The following KIF1A variants were observed in gnomAD, a reference collection of about 807,000 sequenced individuals.
KIF1A encodes kinesin family member 1A.
Under a neutral mutation model 227.3 loss-of-function variants are expected in KIF1A, and 46 were observed. That is an observed-to-expected ratio of 0.20 (90% confidence interval 0.16 to 0.26). The LOEUF (loss-of-function observed/expected upper bound fraction) is 0.26, where lower values mean the gene tolerates loss of function less well. Ranked by LOEUF, KIF1A falls within the 10% of genes least tolerant of loss-of-function variation. The pLI is 1.00. For missense variants in KIF1A, 1,683 were observed against 2,485.9 expected (o/e 0.68, Z 6.87); for synonymous variants, 1,022 against 1,012.8 (o/e 1.01, Z -0.17).
In KIF1A at chr2:240,807,540, G is replaced by A. The variant is rs572843506; in HGVS notation, c.-60-9728C>T. On this transcript the variant is annotated intron_variant, in intron 1 of 48. Coordinates refer to ENST00000498729, the MANE Select transcript of KIF1A (RefSeq NM_001244008.2). Reference sequence around the variant, plus strand: ...AATAGTTGCTATACTGTATTGTCCAGGTAATAGTGACAAGGGAAAAACATT... The same window carrying A: ...AATAGTTGCTATACTGTATTGTCCAAGTAATAGTGACAAGGGAAAAACATT... 4.4e-4 allele frequency among the ~76,000 whole-genome samples: 67 copies of A among 152,262 alleles called. 2 individuals are homozygous for A. The South Asian group carries it at 0.013, about 31-fold the overall frequency.
chr2:240,773,539 G>T (rs2052303943), intron 12 of KIF1A, among the ~76,000 whole-genome samples: 1 of 152,180 alleles, frequency 6.6e-6, no homozygotes, highest in Non-Finnish European at 1.5e-5. Context: ...GAAGGGACAG[G>T]GTGGTGTCCT....
chr2:240,737,008 C>T (rs1240981399), intron 38 of KIF1A, 55 bp downstream of exon 38: 28 of 1,431,236 alleles, frequency 2.0e-5, no homozygotes, highest in Non-Finnish European at 2.6e-5. Flanking sequence ...TGGCTGAGGG[C>T]CTGGCAGGCT....
At chr2:240,746,670 G>C (rs2048635037) in intron 29 of KIF1A, among the ~76,000 whole-genome samples, 2 of 152,046 alleles carry the variant, frequency 1.3e-5, no homozygotes, top group Admixed American at 1.3e-4. Context: ...AGTCTAAGAA[G>C]GTGGGGACAG....
intron 10 of KIF1A, among the ~76,000 whole-genome samples, chr2:240,779,647 CTTCCTCACAGTTCCACACTCAG>C (rs1168008646): frequency 1.1e-4 from 17 of 149,566 alleles, no homozygotes; most frequent in African/African-American, 1.7e-4. Context: ...TCCTCACTCA[CTTCCTCACAGTTCCACACTCAG>C]TTCCTCACAG....
At chr2:240,761,437 C>T in intron 23 of KIF1A, 60 bp from the exon 24 acceptor site, 2 of 1,470,020 alleles carry the variant, frequency 1.4e-6, no homozygotes, top group Admixed American at 2.2e-5. Context: ...CCACCATGCC[C>T]CGCCCTCTGG....
intron 1 of KIF1A, among the ~76,000 whole-genome samples, chr2:240,814,956 A>G (rs1389935793): frequency 6.6e-6 from 1 of 152,208 alleles, no homozygotes; most frequent in Non-Finnish European, 1.5e-5. Context: ...AGCTGGAGAA[A>G]ATAAAACACC....
rs1171923331 is a variant in KIF1A, at chr2:240,726,928, T to C, written c.4020A>G (p.Gln1340=). The C allele has an allele frequency of 1.9e-6, 3 of 1,604,372 alleles. No homozygotes were observed. Among genetic ancestry groups the C allele is most frequent in the Non-Finnish European group, 2.6e-6 (3 of 1,173,846 alleles). The stretch of plus-strand genomic sequence containing the variant: ...TGGAGCTGTCCCACGCAGCCTCAAA[T>C]TGGTAAAAGGTCCTGAAAGGAAGCA... ...HPAQDDRTFY[Q]FEAAWDSSMH... The change falls in exon 39 of 49, where the codon CAA becomes CAG. Residue 1340 remains glutamine, a synonymous_variant. Coordinates refer to ENST00000498729, the MANE Select transcript of KIF1A (RefSeq NM_001244008.2). This position sits in a 1 kb window ranked among gnomAD's most constrained non-coding sequence, Gnocchi z 5.2.
In KIF1A at chr2:240,718,036, G is replaced by A. The variant is rs1451125446; in HGVS notation, c.5333+14C>T. On this transcript the variant is annotated intron_variant, in intron 48 of 48. Transcript: ENST00000498729. ...ACCCCCATGGCAGCAACCTCGCCCT[G>A]CAGGCGGCCCTACCGTATGGTCCCG... 6.4e-7 allele frequency: 1 copy of A among 1,564,718 alleles called. No individual in the cohort carries two copies. The highest frequency in any genetic ancestry group is 1.1e-5 in the South Asian group (1 of 87,526).
In KIF1A at chr2:240,788,999, G is replaced by A. The variant is rs1374264324; in HGVS notation, c.183+237C>T. ...GGGGAAAAGTCACCAGCAGATGGACGTACACACAGCTCTGACCCTGGAAAC... is the reference window on the plus strand; with the variant it reads ...GGGGAAAAGTCACCAGCAGATGGACATACACACAGCTCTGACCCTGGAAAC... On this transcript the variant is annotated intron_variant, in intron 3 of 48. Transcript: ENST00000498729. The surrounding 1 kb of genome is among the most constrained non-coding windows in gnomAD (Gnocchi z 6.6). 6.6e-6 allele frequency among the ~76,000 whole-genome samples: 1 copy of A among 152,150 alleles called. No homozygotes were observed. Among genetic ancestry groups the A allele is most frequent in the African/African-American group, 2.4e-5 (1 of 41,424 alleles).
rs562023908 is a variant in KIF1A at position 240,740,313 on chromosome 2, G to A, written c.3801C>T (p.Thr1267=). 1 of 1,613,578 alleles carries A rather than the reference G, an allele frequency of 6.2e-7. No individual in the cohort carries two copies. The highest frequency in any genetic ancestry group is 1.1e-5 in the South Asian group (1 of 91,050). The part of the protein sequence containing the change: ...DHRGGMPCMG[T]FLLHQGIQRR... Reference sequence around the variant, plus strand: ...GGGCTCACACCTGGTGGAGGAGGAAGGTCCCCATGCATGGCATGCCCCCAC... The same window carrying A: ...GGGCTCACACCTGGTGGAGGAGGAAAGTCCCCATGCATGGCATGCCCCCAC... Residue 1267 remains threonine, a synonymous_variant, in exon 36 of 49, where the codon ACC becomes ACT. Transcript: ENST00000498729. The surrounding 1 kb of genome is among the most constrained non-coding windows in gnomAD (Gnocchi z 6.1).
chr2:240,821,123 A>G (rs1463319299), upstream of KIF1A, among the ~76,000 whole-genome samples: 1 of 152,082 alleles, frequency 6.6e-6, no homozygotes, highest in Admixed American at 6.5e-5. Context: ...CGCCCATGGG[A>G]ACCTCCCCGC....
chr2:240,795,265 C>A (rs930461415), intron 2 of KIF1A, among the ~76,000 whole-genome samples: 7 of 152,154 alleles, frequency 4.6e-5, no homozygotes, highest in African/African-American at 1.7e-4. Flanking sequence ...GGCGAAATCC[C>A]AGAACTCCAA....
chr2:240,759,408 T>C (rs1005572118), intron 25 of KIF1A, among the ~76,000 whole-genome samples: 2 of 152,072 alleles, frequency 1.3e-5, no homozygotes, highest in Non-Finnish European at 2.9e-5. Context: ...CAGGCCAATA[T>C]TCCCCCTGGC....
chr2:240,769,015 G>A (rs2051575359), intron 17 of KIF1A, 118 bp downstream of exon 17: 1 of 874,048 alleles, frequency 1.1e-6, no homozygotes, highest in Admixed American at 2.0e-5. Context: ...CAGTGCCTGG[G>A]CCAGAGCCCC....
chr2:240,725,547 AGGCAG>A lies in KIF1A; in HGVS notation c.4123-148_4123-144del. The A allele has an allele frequency of 8.3e-6, 7 of 843,466 alleles. No individual in the cohort carries two copies. The highest frequency in any genetic ancestry group is 1.3e-5 in the Non-Finnish European group (7 of 557,482). 52.2% of individuals were successfully genotyped at this position (843,466 alleles called of 1,614,324 possible). A position where few individuals can be genotyped will look rare whatever the true frequency, so the allele number is the denominator to read the frequency against. Reference sequence around the variant, plus strand: ...AGGGCCTCAGGTGTGGCCTGGACGCAGGCAGGAGAAAGTCTCTGCTCCTGCCCTCG... The same window carrying A: ...AGGGCCTCAGGTGTGGCCTGGACGCAGAGAAAGTCTCTGCTCCTGCCCTCG... On this transcript the variant is annotated intron_variant, in intron 39 of 48. Coordinates refer to ENST00000498729, the MANE Select transcript of KIF1A (RefSeq NM_001244008.2). The surrounding 1 kb of genome is among the most constrained non-coding windows in gnomAD (Gnocchi z 5.8).
At chr2:240,755,013 C>T (rs1218709541) in intron 27 of KIF1A, among the ~76,000 whole-genome samples, 6 of 152,210 alleles carry the variant, frequency 3.9e-5, no homozygotes, top group Admixed American at 2.0e-4. Context: ...GTCAGCCTCT[C>T]GCCCTGCTCT....
At position 240,782,685 on chromosome 2, in the gene KIF1A, C is replaced by T. The variant is rs961113313; in HGVS notation, c.865-78G>A. On this transcript the variant is annotated intron_variant, in intron 9 of 48. Coordinates refer to ENST00000498729, the MANE Select transcript of KIF1A (RefSeq NM_001244008.2). The stretch of plus-strand genomic sequence containing the variant: ...GCTGTGGGGGCGGAAGAGCAGGCGG[C>T]CCGGCTGCCTCGCCCTGGCCATGAC... 24 of 1,440,752 alleles carry T rather than the reference C, an allele frequency of 1.7e-5. No homozygotes were observed. The African/African-American group carries it at 3.1e-4, about 19-fold the overall frequency. The allele number at this position is 1,440,752 out of a possible 1,614,324, so 89.2% of individuals were successfully genotyped here. A position where few individuals can be genotyped will look rare whatever the true frequency, so the allele number is the denominator to read the frequency against.
chr2:240,721,187 G>T, intron 44 of KIF1A, 149 bp from the exon 45 acceptor site: 1 of 1,032,036 alleles, frequency 9.7e-7, no homozygotes, highest in Non-Finnish European at 1.4e-6. Flanking sequence ...AAGTTGGCCA[G>T]CTCAAGACCC....
chr2:240,821,127 TCCCCG>T (rs1419505932), upstream of KIF1A, among the ~76,000 whole-genome samples: 2 of 152,054 alleles, frequency 1.3e-5, no homozygotes, highest in African/African-American at 2.4e-5. Context: ...CATGGGAACC[TCCCCG>T]CACTGCGGTG....
Sources: allele counts gnomAD v4.1 joint callset (sites outside exome capture counted in the v4.1 genomes callset), GRCh38; gene constraint gnomAD v4.1.1; non-coding constraint Gnocchi (gnomAD v3.1); transcripts MANE v1.5; gene names NCBI Gene and HGNC (gene_info 2026-07-23, HGNC 2026-07-21).